STK3: variants seen among roughly 807,000 people sequenced by gnomAD.
The protein encoded by STK3 is serine/threonine kinase 3.
Under a neutral mutation model 58.0 loss-of-function variants are expected in STK3, and 41 were observed. That is an observed-to-expected ratio of 0.71 (90% confidence interval 0.55 to 0.92). The LOEUF (loss-of-function observed/expected upper bound fraction) is 0.92, where lower values mean the gene tolerates loss of function less well. Ranked by LOEUF, STK3 falls within the 40% of genes least tolerant of loss-of-function variation. STK3 has a pLI of 0.00. For missense variants in STK3, 479 were observed against 602.7 expected (o/e 0.79, Z 2.15); for synonymous variants, 170 against 191.0 (o/e 0.89, Z 0.91).
intron 3 of STK3, among the ~76,000 whole-genome samples, chr8:98,858,321 TATAGAGAG>T (rs1415111730): frequency 2.5e-4 from 8 of 31,882 alleles, no homozygotes; most frequent in African/African-American, 8.4e-4. Flanking sequence ...TATATATATA[TATAGAGAG>T]AGAGAGAGAG....
At chr8:98,418,798 A>G (rs752863959) in intron 3 of STK3, among the ~76,000 whole-genome samples, 8 of 152,120 alleles carry the variant, frequency 5.3e-5, no homozygotes, top group African/African-American at 9.7e-5. Flanking sequence ...TGCCCCATCT[A>G]GACTCTTACA....
chr8:98,930,327 A>T (rs1009820853), intron 1 of STK3, among the ~76,000 whole-genome samples: 1 of 152,176 alleles, frequency 6.6e-6, no homozygotes, highest in African/African-American at 2.4e-5. Flanking sequence ...CCAGGCCCCC[A>T]AACTCCATTC....
chr8:98,757,228 T>TC (rs1830343928), intron 3 of STK3, among the ~76,000 whole-genome samples: 1 of 151,098 alleles, frequency 6.6e-6, no homozygotes, highest in African/African-American at 2.4e-5. Flanking sequence ...TCGCCCAGGC[T>TC]AGAGTGCATT....
At chr8:98,406,962 C>T (rs1818000470) in intron 3 of STK3, among the ~76,000 whole-genome samples, 1 of 152,174 alleles carries the variant, frequency 6.6e-6, no homozygotes, top group Admixed American at 6.5e-5. Context: ...GCCTTAGCGT[C>T]CCTGAGTTAT....
intron 6 of STK3, among the ~76,000 whole-genome samples, chr8:98,664,437 G>A (rs182272956): frequency 1.3e-4 from 20 of 152,304 alleles, no homozygotes; most frequent in African/African-American, 4.6e-4. Flanking sequence ...TATAATTTAT[G>A]TAGAATTGTT....
intron 7 of STK3, among the ~76,000 whole-genome samples, chr8:98,588,058 C>T (rs1479975504): frequency 6.6e-6 from 1 of 152,118 alleles, no homozygotes; most frequent in Non-Finnish European, 1.5e-5. Context: ...ATCCAATTTG[C>T]CAGTCTGTGT....
At chr8:98,717,297 T>A (rs897461716) in intron 4 of STK3, among the ~76,000 whole-genome samples, 1 of 151,646 alleles carries the variant, frequency 6.6e-6, no homozygotes, top group Admixed American at 6.6e-5. Flanking sequence ...GACATTAATA[T>A]ACAGAATATA....
Position 98,378,048 on chromosome 8 carries a change from C to G in STK3, n.111+1105G>C, listed in dbSNP as rs1469341442. 3.3e-5 allele frequency among the ~76,000 whole-genome samples: 5 copies of G among 152,320 alleles called. No individual in the cohort carries two copies. In the East Asian group the frequency reaches 9.6e-4, roughly 29 times the overall value. ...GTGCCACATACAGTCATATCTCCTT[C>G]AGATCCAGAGGAGAGAGGAGGAAAA... is the stretch of plus-strand genomic sequence containing the variant. On this transcript the variant is annotated intron_variant and non_coding_transcript_variant, in intron 2 of 2. Coordinates refer to the STK3 transcript ENST00000518704.
At chr8:98,832,700 G>A (rs1334743488) in intron 3 of STK3, among the ~76,000 whole-genome samples, 1 of 152,034 alleles carries the variant, frequency 6.6e-6, no homozygotes, top group African/African-American at 2.4e-5. Context: ...TTGGCCAAGG[G>A]GGGGTCCATT....
At chr8:98,714,185 C>A (rs566738578) in intron 4 of STK3, among the ~76,000 whole-genome samples, 11 of 152,156 alleles carry the variant, frequency 7.2e-5, no homozygotes, top group Admixed American at 5.9e-4. Context: ...ACTGAATGGG[C>A]AAAAACTGGA....
upstream of STK3, among the ~76,000 whole-genome samples, chr8:98,392,369 A>C (rs889582999): frequency 2.6e-5 from 4 of 152,186 alleles, no homozygotes; most frequent in African/African-American, 7.2e-5. Flanking sequence ...ACCCCATATT[A>C]GTGAGGAAGA....
intron 1 of STK3, among the ~76,000 whole-genome samples, chr8:98,932,813 G>A (rs1170561890): frequency 2.6e-5 from 4 of 152,170 alleles, no homozygotes; most frequent in Non-Finnish European, 4.4e-5. Flanking sequence ...ATACTCAGAG[G>A]CTATTGATAC....
chr8:98,599,026 A>G (rs758522861), intron 6 of STK3: 1 of 414,186 alleles, frequency 2.4e-6, no homozygotes, highest in African/African-American at 2.2e-5. Context: ...TTATAATCTC[A>G]GTGGAATGAG....
intron 3 of STK3, among the ~76,000 whole-genome samples, chr8:98,843,178 T>C (rs1219508979): frequency 6.6e-6 from 1 of 152,004 alleles, no homozygotes; most frequent in Non-Finnish European, 1.5e-5. Context: ...CTCAATAAAT[T>C]AGGATGAAAC....
intron 10 of STK3, among the ~76,000 whole-genome samples, chr8:98,459,760 G>A (rs1193109479): frequency 6.6e-6 from 1 of 152,234 alleles, no homozygotes; most frequent in East Asian, 1.9e-4. Flanking sequence ...CATGGCTTCA[G>A]CTCAAGCCTT....
At chr8:98,720,344 G>A (rs571645215) in intron 4 of STK3, among the ~76,000 whole-genome samples, 114 of 152,216 alleles carry the variant, frequency 7.5e-4, no homozygotes, top group African/African-American at 2.6e-3. Flanking sequence ...ATGGACTACC[G>A]AATGTCATAC....
intron 6 of STK3, among the ~76,000 whole-genome samples, chr8:98,698,663 C>A (rs1825225011): frequency 6.6e-6 from 1 of 152,154 alleles, no homozygotes; most frequent in Non-Finnish European, 1.5e-5. Context: ...GTTGAAAATT[C>A]TTTTCTTTAA....
chr8:98,410,421 C>G (rs1431228034), intron 3 of STK3, among the ~76,000 whole-genome samples: 1 of 152,114 alleles, frequency 6.6e-6, no homozygotes, highest in African/African-American at 2.4e-5. Context: ...CTGCCTTGCT[C>G]AAAGCTGTAT....
chr8:98,904,792 C>A, intron 1 of STK3: 1 of 667,372 alleles, frequency 1.5e-6, no homozygotes, highest in South Asian at 1.4e-5. Flanking sequence ...GTGGCCGGAG[C>A]GGCAGCCATA....
Sources: allele counts gnomAD v4.1 joint callset (sites outside exome capture counted in the v4.1 genomes callset), GRCh38; gene constraint gnomAD v4.1.1; transcripts MANE v1.5; gene names NCBI Gene and HGNC (gene_info 2026-07-23, HGNC 2026-07-21).